SV2B: variants seen among roughly 807,000 people sequenced by gnomAD.
SV2B encodes synaptic vesicle glycoprotein 2B.
SV2B carries 41 observed loss-of-function variants against 73.9 expected under a neutral mutation model. The observed-to-expected ratio is 0.56, with a 90% CI of 0.43 to 0.72. The LOEUF (loss-of-function observed/expected upper bound fraction) is 0.72, where lower values mean the gene tolerates loss of function less well. SV2B is among the 30% of genes least tolerant of loss of function. The probability of loss-of-function intolerance (pLI) is 0.00; values close to 1 mark genes in which losing one functional copy is unlikely to be tolerated. For missense variants in SV2B, 764 were observed against 857.8 expected (o/e 0.89, Z 1.37); for synonymous variants, 314 against 314.2 (o/e 1.00, Z 0.01).
At chr15:91,201,772 T>C (rs954002171) in intron 1 of SV2B, among the ~76,000 whole-genome samples, 1 of 152,240 alleles carries the variant, frequency 6.6e-6, no homozygotes, top group African/African-American at 2.4e-5. Context: ...ACCTGCAGCA[T>C]AGATCTGACA....
In SV2B at chr15:91,106,463, C is replaced by A. The variant is rs1394943005; in HGVS notation, c.-392+6100C>A. The stretch of plus-strand genomic sequence containing the variant: ...ACCACTTACTTACTAGAGTTGACTG[C>A]AAATCTTTGCTTTGGTGGATTTTGA... On this transcript the variant is annotated intron_variant, in intron 1 of 12. Transcript: ENST00000394232. This position sits in a 1 kb window ranked among gnomAD's most constrained non-coding sequence, Gnocchi z 4.4. 6.6e-6 allele frequency among the ~76,000 whole-genome samples: 1 copy of A among 152,158 alleles called. No homozygotes were observed. The highest frequency in any genetic ancestry group is 3.2e-3 in the Middle Eastern group (1 of 316).
At position 91,107,616 on chromosome 15, in the gene SV2B, C is replaced by G. The variant is rs138947776; in HGVS notation, c.-392+7253C>G. ...GTGAGCCACCGTGCCCGCTAACTTT[C>G]TATTTTTTTTTGAGACAGGGTCTCA... On this transcript the variant is annotated intron_variant, in intron 1 of 12. Coordinates refer to ENST00000394232, the MANE Select transcript of SV2B (RefSeq NM_001323032.3). Among the ~76,000 whole-genome samples, 797 of 150,566 alleles carry G rather than the reference C, an allele frequency of 5.3e-3. 8 individuals are homozygous for G. The highest frequency in any genetic ancestry group is 9.2e-3 in the Non-Finnish European group (625 of 67,606).
intron 9 of SV2B, among the ~76,000 whole-genome samples, chr15:91,270,863 T>A (rs547195564): frequency 9.8e-6 from 1 of 102,000 alleles, no homozygotes; most frequent in Non-Finnish European, 1.9e-5. Flanking sequence ...ATCCTGTGGA[T>A]GATGGGCGGA....
chr15:91,252,534 C>T lies in SV2B; in HGVS notation c.784+14C>T. The T allele has an allele frequency of 6.3e-7, 1 of 1,590,356 alleles. No individual in the cohort carries two copies. Among genetic ancestry groups the T allele is most frequent in the South Asian group, 1.1e-5 (1 of 87,896 alleles). ...TCCCACACTATGGTGAGTCATGGCT[C>T]CAAACAGCCTAGGGGGCCCTGTTTC... On this transcript the variant is annotated intron_variant, in intron 4 of 12. Transcript: ENST00000394232. The surrounding 1 kb of genome is among the most constrained non-coding windows in gnomAD (Gnocchi z 4.6).
At chr15:91,278,550 G>T (rs1033390056) in intron 9 of SV2B, among the ~76,000 whole-genome samples, 9 of 148,818 alleles carry the variant, frequency 6.0e-5, no homozygotes, top group Non-Finnish European at 1.2e-4. Context: ...GCGGTGGCGG[G>T]TGCCTGTAGT....
In SV2B at chr15:91,236,816, C is replaced by T. The variant is rs892998151; in HGVS notation, c.451+10102C>T. On this transcript the variant is annotated intron_variant, in intron 2 of 12. Transcript: ENST00000394232. This position sits in a 1 kb window ranked among gnomAD's most constrained non-coding sequence, Gnocchi z 4.1. ...GGGCTGGAATCATCGGAGGGCTCAC[C>T]CACACAAATATCTGGTACCCAAACT... Among the ~76,000 whole-genome samples, 2 of 152,046 alleles carry T rather than the reference C, an allele frequency of 1.3e-5. No individual in the cohort carries two copies. Among genetic ancestry groups the T allele is most frequent in the Admixed American group, 6.6e-5 (1 of 15,262 alleles).
intron 1 of SV2B, among the ~76,000 whole-genome samples, chr15:91,216,253 G>A (rs1268186569): frequency 6.6e-6 from 1 of 152,086 alleles, no homozygotes; most frequent in African/African-American, 2.4e-5. Context: ...ATTTCAGGAA[G>A]CATCACAGGT....
intron 1 of SV2B, among the ~76,000 whole-genome samples, chr15:91,189,912 C>T (rs921608811): frequency 7.9e-5 from 12 of 151,898 alleles, no homozygotes; most frequent in African/African-American, 1.2e-4. Flanking sequence ...GGCATGAACC[C>T]GGGAGGCGGA....
intron 1 of SV2B, among the ~76,000 whole-genome samples, chr15:91,163,409 A>C (rs2043797368): frequency 6.6e-6 from 1 of 152,152 alleles, no homozygotes; most frequent in African/African-American, 2.4e-5. Flanking sequence ...ATTTCTCCAC[A>C]TCCTCTCCAG....
At position 91,283,951 on chromosome 15, in the gene SV2B, C is replaced by T. The variant is rs2048768127; in HGVS notation, c.1508-70C>T. ...GCCTACAGGAGGGGGCAGACTTCAT[C>T]CCTGCCTCTGCCTTTCTCTCTCCAG... is the stretch of plus-strand genomic sequence containing the variant. On this transcript the variant is annotated intron_variant, in intron 10 of 12. Transcript: ENST00000394232. This position sits in a 1 kb window ranked among gnomAD's most constrained non-coding sequence, Gnocchi z 4.3. 3 of 1,522,512 alleles carry T rather than the reference C, an allele frequency of 2.0e-6. No individual in the cohort carries two copies. Among genetic ancestry groups the T allele is most frequent in the Non-Finnish European group, 2.7e-6 (3 of 1,101,812 alleles). 94.3% of individuals were successfully genotyped at this position (1,522,512 alleles called of 1,614,324 possible). A position where few individuals can be genotyped will look rare whatever the true frequency, so the allele number is the denominator to read the frequency against.
At chr15:91,188,037 GTATTGAC>G (rs3082125) in intron 1 of SV2B, among the ~76,000 whole-genome samples, 46,820 of 151,398 alleles carry the variant, frequency 0.31, 7,965 homozygotes, top group East Asian at 0.71. Context: ...CAAACATATT[GTATTGAC>G]TATACATTAT....
At position 91,226,412 on chromosome 15, in the gene SV2B, A is replaced by G. The variant is rs1249190335; in HGVS notation, c.149A>G (p.Tyr50Cys). The G allele has an allele frequency of 6.8e-6, 11 of 1,614,188 alleles. No individual in the cohort carries two copies. In the South Asian group the frequency reaches 1.1e-4, roughly 16 times the overall value. Reference protein sequence around the residue: ...DEEDEIYEGEYQGIPHPDDVK... With the variant: ...DEEDEIYEGECQGIPHPDDVK... ...GAAGACGAGATCTATGAGGGCGAGT[A>G]CCAGGGTATCCCTCACCCAGATGAT... The change falls in exon 2 of 13, where the codon TAC (tyrosine) becomes TGC (cysteine). Residue 50 changes from tyrosine to cysteine, a missense_variant. Transcript: ENST00000394232.
chr15:91,126,370 C>T (rs990617741), intron 1 of SV2B, among the ~76,000 whole-genome samples: 5 of 152,208 alleles, frequency 3.3e-5, no homozygotes, highest in Non-Finnish European at 5.9e-5. Flanking sequence ...AGGATTCTGT[C>T]TTACAGGTAG....
intron 9 of SV2B, among the ~76,000 whole-genome samples, chr15:91,269,580 C>G (rs994240628): frequency 2.0e-5 from 3 of 152,216 alleles, no homozygotes; most frequent in Non-Finnish European, 4.4e-5. Flanking sequence ...ACATATGCGT[C>G]TGGTGTCTCA....
intron 1 of SV2B, among the ~76,000 whole-genome samples, chr15:91,194,563 A>G (rs1315388548): frequency 6.6e-6 from 1 of 152,206 alleles, no homozygotes; most frequent in Non-Finnish European, 1.5e-5. Flanking sequence ...ACTTTCTGGA[A>G]AATTGTAGAA....
At chr15:91,272,944 T>C (rs1038973746) in intron 9 of SV2B, among the ~76,000 whole-genome samples, 1 of 150,990 alleles carries the variant, frequency 6.6e-6, no homozygotes, top group Non-Finnish European at 1.5e-5. Flanking sequence ...GCGATTCTCC[T>C]GTGTCAGCCT....
At chr15:91,102,961 A>G (rs544032308) in intron 1 of SV2B, among the ~76,000 whole-genome samples, 1 of 152,332 alleles carries the variant, frequency 6.6e-6, no homozygotes, top group South Asian at 2.1e-4. Flanking sequence ...AGACCCAGAA[A>G]GGAGGCCACG....
chr15:91,151,819 G>A (rs1307814150), intron 1 of SV2B, among the ~76,000 whole-genome samples: 1 of 152,178 alleles, frequency 6.6e-6, no homozygotes, highest in Non-Finnish European at 1.5e-5. Flanking sequence ...CCAGGCAAGA[G>A]TGAGATGGTT....
chr15:91,145,368 T>C (rs183043501), intron 1 of SV2B, among the ~76,000 whole-genome samples: 1 of 152,342 alleles, frequency 6.6e-6, no homozygotes, highest in Admixed American at 6.5e-5. Flanking sequence ...ATGTACCACA[T>C]TTTCTTTATT....
Sources: gnomAD v4.1 joint callset for allele counts (sites outside exome capture counted in the v4.1 genomes callset) on GRCh38, gnomAD v4.1.1 for gene constraint, Gnocchi (gnomAD v3.1) non-coding constraint, MANE v1.5 for transcripts, NCBI Gene and HGNC (gene_info 2026-07-23, HGNC 2026-07-21) for gene names.